NTRK1: variants seen among roughly 807,000 people sequenced by gnomAD.
NTRK1 encodes neurotrophic receptor tyrosine kinase 1, also known as high affinity nerve growth factor receptor.
In NTRK1, 62 loss-of-function variants were observed where a neutral mutation model predicts 86.8. That is an observed-to-expected ratio of 0.71 (90% CI 0.58 to 0.88). NTRK1 has a LOEUF of 0.88. Among genes scored for constraint, NTRK1 ranks in the 40% least tolerant of loss-of-function variants. NTRK1 has a pLI of 0.00. For synonymous variants in NTRK1, 469 were observed against 456.6 expected, an observed-to-expected ratio of 1.03 and a Z score of -0.35; for missense variants, 967 against 1,078.4, an observed-to-expected ratio of 0.90 and a Z score of 1.45.
upstream of NTRK1, chr1:156,860,712 T>C (rs1374413778): frequency 1.2e-6 from 1 of 805,388 alleles, no homozygotes; most frequent in African/African-American, 2.0e-5. Flanking sequence ...AGGCTGACGC[T>C]GGGGGCCCCT....
intron 12 of NTRK1, 41 bp from the exon 13 acceptor site, chr1:156,876,039 C>T (rs1404507426): frequency 6.2e-7 from 1 of 1,613,934 alleles, no homozygotes; most frequent in Non-Finnish European, 8.5e-7. Context: ...CCCAGCCCTC[C>T]CAAGACTGGG....
At chr1:156,878,793 C>G (rs1324733121) in intron 14 of NTRK1, among the ~76,000 whole-genome samples, 1 of 152,102 alleles carries the variant, frequency 6.6e-6, no homozygotes, top group African/African-American at 2.4e-5. Context: ...GGAAAGACAC[C>G]GAGCTCCAAT....
rs1571696175 is a variant in NTRK1 at position 156,873,876 on chromosome 1, A to G, written c.1094A>G (p.Asn365Ser). ...NNGNYTLLAANPFGQASASIM... is the reference protein window; with the variant it reads ...NNGNYTLLAASPFGQASASIM... ...GGCAACTACACGCTGCTGGCTGCCA[A>G]CCCCTTCGGCCAGGCCTCCGCCTCC... The change falls in exon 8 of 17, where the codon AAC (asparagine) becomes AGC (serine). Residue 365 changes from asparagine to serine, a missense_variant. Physicochemically the swap from Asn to Ser is conservative, Grantham distance 46. This residue lies in a region of NTRK1 where 637 missense variants were observed against 776.5 expected (regional missense o/e 0.82). Transcript: ENST00000524377. 1.9e-6 allele frequency: 3 copies of G among 1,593,988 alleles called. No homozygotes were observed. The highest frequency in any genetic ancestry group is 2.6e-6 in the Non-Finnish European group (3 of 1,169,756).
At chr1:156,850,225 G>A (rs1292760688) in intron 2 of NTRK1, among the ~76,000 whole-genome samples, 1 of 151,900 alleles carries the variant, frequency 6.6e-6, no homozygotes, top group Non-Finnish European at 1.5e-5. Flanking sequence ...ATTTATGTAT[G>A]TTTTGAGCTG....
chr1:156,871,897 T>C (rs1436388177), intron 7 of NTRK1, 142 bp downstream of exon 7: 1 of 1,188,126 alleles, frequency 8.4e-7, no homozygotes, highest in Non-Finnish European at 1.2e-6. Context: ...CAGATTCCCA[T>C]GAAAACCTGA....
chr1:156,847,352 G>A (rs1655048125), intron 2 of NTRK1, among the ~76,000 whole-genome samples: 2 of 152,218 alleles, frequency 1.3e-5, no homozygotes, highest in Non-Finnish European at 1.5e-5. Context: ...ACTAGTGCTG[G>A]CTGCCTGAAG....
rs1351324427 is a variant in NTRK1, at chr1:156,842,611, G to C, written c.50+418G>C. ...ACAGTCTGACTCAGACACCAAACCT[G>C]ACCCTAACCCCAACCATGACTATAA... is the stretch of plus-strand genomic sequence containing the variant. On this transcript the variant is annotated intron_variant, in intron 2 of 16. Transcript: ENST00000392302. 12 of 799,202 alleles carry C rather than the reference G, an allele frequency of 1.5e-5. No individual in the cohort carries two copies. The African/African-American group carries it at 2.0e-4, about 14-fold the overall frequency. 49.5% of individuals were successfully genotyped at this position (799,202 alleles called of 1,614,324 possible). A position where few individuals can be genotyped will look rare whatever the true frequency, so the allele number is the denominator to read the frequency against.
In NTRK1 at chr1:156,874,974, C is replaced by T. The variant is rs147443162; in HGVS notation, c.1320C>T (p.Asn440=). 6.2e-7 allele frequency: 1 copy of T among 1,613,984 alleles called. No individual in the cohort carries two copies. The highest frequency in any genetic ancestry group is 2.2e-5 in the East Asian group (1 of 44,870). Residue 440 remains asparagine (N), a synonymous_variant, in exon 11 of 17, where the codon AAC becomes AAT. Coordinates refer to ENST00000524377, the MANE Select transcript of NTRK1 (RefSeq NM_002529.4). ...TTTCTACGCTGCTCCTTGTGCTCAA[C>T]AAATGTGGACGGAGAAACAAGTTTG... is the stretch of plus-strand genomic sequence containing the variant. ...LFLSTLLLVL[N]KCGRRNKFGI...
At chr1:156,846,424 T>C in intron 2 of NTRK1, 1 of 1,023,086 alleles carries the variant, frequency 9.8e-7, no homozygotes, top group South Asian at 1.5e-5. Flanking sequence ...GGGCCAGGTG[T>C]TCAGTGCCCC....
At chr1:156,851,072 C>T (rs1472460308) in intron 2 of NTRK1, 2 of 625,962 alleles carry the variant, frequency 3.2e-6, no homozygotes, top group Non-Finnish European at 5.7e-6. Flanking sequence ...CACATAACAA[C>T]TTGAGTAATA....
rs2102885178 is a variant in NTRK1 at position 156,864,367 on chromosome 1, C to A, written c.226C>A (p.Gln76Lys). ...ENLTELYIEN[Q>K]QHLQHLELRD... ...CTCTCCCCACAGCTACATCGAGAAC[C>A]AGCAGCATCTGCAGCATCTGGAGCT... Residue 76 changes from glutamine (Q) to lysine (K), a missense_variant, in exon 2 of 17, where the codon CAG becomes AAG. Gln to Lys is a moderately conservative substitution (Grantham distance 53). Coordinates refer to ENST00000524377, the MANE Select transcript of NTRK1 (RefSeq NM_002529.4). 6.2e-7 allele frequency: 1 copy of A among 1,614,182 alleles called. No homozygotes were observed. The highest frequency in any genetic ancestry group is 8.5e-7 in the Non-Finnish European group (1 of 1,180,022).
chr1:156,830,390 G>A (rs555473138), intron 1 of NTRK1, among the ~76,000 whole-genome samples: 6 of 152,094 alleles, frequency 3.9e-5, no homozygotes, highest in Non-Finnish European at 7.3e-5. Context: ...ATTTCACTGG[G>A]ATAGAGGTAG....
Position 156,854,297 on chromosome 1 carries a change from G to A in NTRK1, c.51-10057G>A, listed in dbSNP as rs1397765302. 6.2e-7 allele frequency: 1 copy of A among 1,609,380 alleles called. No homozygotes were observed. Among genetic ancestry groups the A allele is most frequent in the Admixed American group, 1.7e-5 (1 of 59,928 alleles). Reference sequence around the variant, plus strand: ...CACCTCTGAGCGAATATCCAGGCTGGGGCACACTGTGGGCATACACGGCAC... The same window carrying A: ...CACCTCTGAGCGAATATCCAGGCTGAGGCACACTGTGGGCATACACGGCAC... On this transcript the variant is annotated intron_variant, in intron 2 of 16. Transcript: ENST00000392302. The surrounding 1 kb of genome is among the most constrained non-coding windows in gnomAD (Gnocchi z 4.2).
chr1:156,879,678 C>T (rs534624508), intron 15 of NTRK1, among the ~76,000 whole-genome samples: 2 of 152,254 alleles, frequency 1.3e-5, no homozygotes, highest in South Asian at 2.1e-4. Context: ...GGCACGATCT[C>T]GGCTCACTGC....
At position 156,848,793 on chromosome 1, in the gene NTRK1, C is replaced by T. The variant is rs1655096496; in HGVS notation, c.50+6600C>T. ...CAGACCTGGGCCCTACCACGGAGTA[C>T]AACTTGCGGGTCCTGGCTTCCTGGG... is the stretch of plus-strand genomic sequence containing the variant. On this transcript the variant is annotated intron_variant, in intron 2 of 16. Coordinates refer to the NTRK1 transcript ENST00000392302. 5 of 1,149,908 alleles carry T rather than the reference C, an allele frequency of 4.3e-6. No homozygotes were observed. The East Asian group carries it at 1.3e-4, about 30-fold the overall frequency. 71.2% of individuals were successfully genotyped at this position (1,149,908 alleles called of 1,614,324 possible).
At chr1:156,841,843 G>A (rs777060993) in intron 1 of NTRK1, 25 of 1,613,604 alleles carry the variant, frequency 1.5e-5, no homozygotes, top group African/African-American at 8.0e-5. Context: ...TAAGAGCCAC[G>A]CACTAGCTCC....
intron 2 of NTRK1, chr1:156,845,504 C>T: frequency 6.7e-7 from 1 of 1,491,744 alleles, no homozygotes; most frequent in South Asian, 1.4e-5. Context: ...CACCCACAAC[C>T]CGGGACCCGC....
At chr1:156,857,646 C>G (rs1011114568), upstream of NTRK1, among the ~76,000 whole-genome samples, 1 of 152,162 alleles carries the variant, frequency 6.6e-6, no homozygotes, top group African/African-American at 2.4e-5. Context: ...TAGGGGACCT[C>G]CTACCCAGCC....
chr1:156,853,990 G>T (rs750615737), intron 2 of NTRK1: 4 of 1,613,422 alleles, frequency 2.5e-6, no homozygotes, highest in African/African-American at 1.3e-5. Context: ...CACGCAGCAC[G>T]GCCCCAAGTG....
Sources: gnomAD v4.1 joint callset for allele counts (sites outside exome capture counted in the v4.1 genomes callset) on GRCh38, gnomAD v4.1.1 for gene constraint, gnomAD v4.1.1 regional missense constraint, Gnocchi (gnomAD v3.1) non-coding constraint, MANE v1.5 for transcripts, NCBI Gene and HGNC (gene_info 2026-07-23, HGNC 2026-07-21) for gene names.